BTBD2: variants seen among roughly 807,000 people sequenced by gnomAD.
BTBD2 encodes BTB domain containing 2.
A neutral mutation model predicts 44.0 loss-of-function variants in BTBD2; 15 were observed. The observed-to-expected ratio is 0.34, with a 90% CI of 0.23 to 0.53. BTBD2 has a LOEUF of 0.53. Among genes scored for constraint, BTBD2 ranks in the 20% least tolerant of loss-of-function variants. BTBD2 has a pLI of 0.95. For synonymous variants in BTBD2, 443 were observed against 335.9 expected (o/e 1.32, Z -3.49); for missense variants, 657 against 746.4 (o/e 0.88, Z 1.39).
intron 6 of BTBD2, 48 bp from the exon 7 acceptor site, chr19:1,987,301 T>C (rs2016101652): frequency 6.3e-7 from 1 of 1,597,578 alleles, no homozygotes; most frequent in African/African-American, 1.3e-5. Flanking sequence ...AGGGATAGCC[T>C]AAGGTGAGCT....
intron 2 of BTBD2, among the ~76,000 whole-genome samples, chr19:1,994,124 C>T (rs2016219904): frequency 1.3e-5 from 2 of 150,702 alleles, no homozygotes; most frequent in South Asian, 4.2e-4. Context: ...AGAGACTAGC[C>T]TGGCCGACAT....
At chr19:2,013,703 C>A in intron 1 of BTBD2, 2 of 978,154 alleles carry the variant, frequency 2.0e-6, no homozygotes, top group Non-Finnish European at 1.2e-6. Flanking sequence ...GACTGCAGGG[C>A]GGGCAGGGGG....
intron 1 of BTBD2, among the ~76,000 whole-genome samples, chr19:2,000,192 A>T (rs1468960215): frequency 2.7e-5 from 4 of 150,250 alleles, no homozygotes; most frequent in Non-Finnish European, 4.4e-5. Flanking sequence ...ACTGAGTTTG[A>T]CCCCCCCAGT....
chr19:1,991,191 G>A (rs1264688800), intron 3 of BTBD2: 1 of 205,470 alleles, frequency 4.9e-6, no homozygotes, highest in African/African-American at 2.3e-5. Flanking sequence ...GAGGTGGCCG[G>A]GGCCGACCGG....
chr19:1,986,539 ATTG>A lies in BTBD2; in HGVS notation c.1524_1526del (p.Asn509del), dbSNP rs1304140741. 6 of 1,613,868 alleles carry A rather than the reference ATTG, an allele frequency of 3.7e-6. No individual in the cohort carries two copies. Among genetic ancestry groups the A allele is most frequent in the East Asian group, 4.5e-5 (2 of 44,888 alleles). ...TCTGGCCGTCCTCCACGGATGTGCC[ATTG>A]TTGTTCCCGGCCGCGTAGCAAAAGG... On this transcript the variant is annotated inframe_deletion, in exon 9 of 9. Transcript: ENST00000255608.
intron 3 of BTBD2, 35 bp downstream of exon 3, chr19:1,992,985 T>A (rs747585197): frequency 3.6e-5 from 19 of 531,722 alleles, no homozygotes; most frequent in Admixed American, 2.2e-4. Context: ...CAGCCAGGCC[T>A]GGCCCCGCCC....
At chr19:1,987,831 G>A in intron 5 of BTBD2, 139 bp from the exon 6 acceptor site, 2 of 846,780 alleles carry the variant, frequency 2.4e-6, no homozygotes, top group Non-Finnish European at 1.8e-6. Context: ...CTCCCCGGGG[G>A]ACTAGCCACC....
chr19:1,989,986 G>A lies in BTBD2; in HGVS notation c.988+18C>T, dbSNP rs764472611. On this transcript the variant is annotated intron_variant, in intron 5 of 8. Transcript: ENST00000255608. ...CCACTCCCCTCCCAAACCAGCCCCT[G>A]AGCCCGAGCTCTGTTACCTGCAGCG... 3.7e-6 allele frequency: 6 copies of A among 1,612,118 alleles called. No homozygotes were observed. The highest frequency in any genetic ancestry group is 3.3e-5 in the Admixed American group (2 of 60,004).
intron 2 of BTBD2, 65 bp from the exon 3 acceptor site, chr19:1,993,241 A>AG: frequency 1.3e-6 from 2 of 1,536,876 alleles, no homozygotes; most frequent in South Asian, 1.2e-5. Flanking sequence ...GGAGAGCGTC[A>AG]GGGGACCACT....
chr19:2,001,611 G>C (rs939966054), intron 1 of BTBD2, among the ~76,000 whole-genome samples: 1 of 152,244 alleles, frequency 6.6e-6, no homozygotes, highest in Admixed American at 6.5e-5. Context: ...CCACAGGGCT[G>C]AACCTCCAAG....
intron 5 of BTBD2, 113 bp from the exon 6 acceptor site, chr19:1,987,805 G>T: frequency 8.7e-7 from 1 of 1,149,386 alleles, no homozygotes; most frequent in Non-Finnish European, 1.2e-6. Context: ...TCAAGGTGCA[G>T]GGACCTGGGC....
chr19:2,000,312 C>T (rs895409300), intron 1 of BTBD2, among the ~76,000 whole-genome samples: 3 of 152,236 alleles, frequency 2.0e-5, no homozygotes, highest in South Asian at 2.1e-4. Flanking sequence ...CCAGGACAAA[C>T]GCTCCCCTCC....
In BTBD2 at chr19:1,987,546, G is replaced by A. The variant is rs1357068043; in HGVS notation, c.1135C>T (p.Gln379Ter). ...CTGTAGCCCCAGCGACTCTCCACCT[G>A]CTGGAAGCGGTTGATGCTGCACTCC... ...GKECSINRFQ[Q>*]VESRWGYSGT... Residue 379 changes from glutamine to a stop codon, truncating the protein, a stop_gained, in exon 6 of 9, where the codon CAG (glutamine) becomes TAG (stop). Coordinates refer to ENST00000255608, the MANE Select transcript of BTBD2 (RefSeq NM_017797.4). LOFTEE classifies it high-confidence loss of function. 6.2e-7 allele frequency: 1 copy of A among 1,609,982 alleles called. No homozygotes were observed. The highest frequency in any genetic ancestry group is 1.7e-5 in the Admixed American group (1 of 59,560).
At chr19:1,988,737 G>A (rs1214209914) in intron 5 of BTBD2, among the ~76,000 whole-genome samples, 3 of 152,084 alleles carry the variant, frequency 2.0e-5, no homozygotes, top group Non-Finnish European at 4.4e-5. Context: ...CAGCATAGCT[G>A]GGTTTACAGG....
At position 2,015,532 on chromosome 19, in the gene BTBD2, TCGGCCCAGGGGCGGCGGCGGCGGCGG is replaced by T; in HGVS notation, c.146_171del (p.Ala49AspfsTer90). ...CCGGGGCCCGGCGGGGCGGGCGGCG[TCGGCCCAGGGGCGGCGGCGGCGGCGG>T]CGGCGGCGGCGGCGGCGGCGGCCGC... is the stretch of plus-strand genomic sequence containing the variant. On this transcript the variant is annotated frameshift_variant, in exon 1 of 9. Transcript: ENST00000255608. LOFTEE classifies it high-confidence loss of function. The T allele has an allele frequency of 1.1e-6, 1 of 947,702 alleles. No homozygotes were observed. The highest frequency in any genetic ancestry group is 1.2e-6 in the Non-Finnish European group (1 of 817,354). 58.7% of individuals were successfully genotyped at this position (947,702 alleles called of 1,614,324 possible).
chr19:2,007,851 G>C (rs1380023083), intron 1 of BTBD2, among the ~76,000 whole-genome samples: 1 of 144,906 alleles, frequency 6.9e-6, no homozygotes, highest in South Asian at 2.2e-4. Flanking sequence ...ACAAAACACA[G>C]AATATAAGTT....
At chr19:2,009,399 C>T (rs1034130128) in intron 1 of BTBD2, among the ~76,000 whole-genome samples, 9 of 151,692 alleles carry the variant, frequency 5.9e-5, no homozygotes, top group African/African-American at 2.2e-4. Context: ...GGGGTTTCAC[C>T]ATGTTGTCCA....
chr19:2,000,125 GCC>G, intron 1 of BTBD2, among the ~76,000 whole-genome samples: 1 of 152,268 alleles, frequency 6.6e-6, no homozygotes, highest in East Asian at 1.9e-4. Flanking sequence ...AGGGAGCGCC[GCC>G]CTCGGACGCC....
intron 4 of BTBD2, chr19:1,990,513 G>A: frequency 3.2e-6 from 2 of 618,724 alleles, no homozygotes; most frequent in Non-Finnish European, 5.6e-6. Context: ...AGCTGGGATG[G>A]TGGGCTCTGG....
Sources: gnomAD v4.1 joint callset for allele counts (sites outside exome capture counted in the v4.1 genomes callset) on GRCh38, gnomAD v4.1.1 for gene constraint, MANE v1.5 for transcripts, NCBI Gene and HGNC (gene_info 2026-07-23, HGNC 2026-07-21) for gene names.